Variants in AKAP13 observed in about 807,000 individuals in gnomAD.
AKAP13 encodes A-kinase anchor protein 13.
A neutral mutation model predicts 264.5 loss-of-function variants in AKAP13; 80 were observed. The observed-to-expected ratio is 0.30, with a 90% CI of 0.25 to 0.36. AKAP13 has a LOEUF of 0.36. Among genes scored for constraint, AKAP13 ranks in the 10% least tolerant of loss-of-function variants. The pLI is 1.00. For missense variants in AKAP13, 3,712 were observed against 3,435.2 expected, an observed-to-expected ratio of 1.08 and a Z score of -2.01; for synonymous variants, 1,380 against 1,250.2, an observed-to-expected ratio of 1.10 and a Z score of -2.19.
intron 33 of AKAP13, among the ~76,000 whole-genome samples, chr15:85,736,558 C>T (rs558959790): frequency 8.2e-4 from 125 of 152,212 alleles, no homozygotes; most frequent in African/African-American, 2.8e-3. Context: ...CCACCATGCC[C>T]GGCTAACTTT....
In AKAP13 at chr15:85,581,009, A is replaced by G; in HGVS notation, c.2941A>G (p.Ser981Gly). Residue 981 changes from serine to glycine, a missense_variant, in exon 7 of 37, where the codon AGT becomes GGT. Physicochemically the swap from Ser to Gly is moderately conservative, Grantham distance 56 (BLOSUM62 0). Coordinates refer to ENST00000394518, the MANE Select transcript of AKAP13 (RefSeq NM_007200.5). Reference protein sequence around the residue: ...DCAKDKALQLSNSPGASSAFL... With the variant: ...DCAKDKALQLGNSPGASSAFL... Reference sequence around the variant, plus strand: ...TGCCAAGGACAAAGCACTTCAGCTAAGTAATTCACCGGGTGCATCCTCTGC... The same window carrying G: ...TGCCAAGGACAAAGCACTTCAGCTAGGTAATTCACCGGGTGCATCCTCTGC... The G allele has an allele frequency of 1.9e-6, 3 of 1,613,886 alleles. No homozygotes were observed. Among genetic ancestry groups the G allele is most frequent in the Non-Finnish European group, 2.5e-6 (3 of 1,179,840 alleles).
chr15:85,447,999 G>A (rs2073957773), intron 1 of AKAP13, among the ~76,000 whole-genome samples: 1 of 152,096 alleles, frequency 6.6e-6, no homozygotes, highest in Non-Finnish European at 1.5e-5. Context: ...CAGTGTATAA[G>A]GGTTCCTTTT....
chr15:85,720,374 T>G (rs926595575), intron 23 of AKAP13, among the ~76,000 whole-genome samples: 13 of 152,002 alleles, frequency 8.6e-5, no homozygotes, highest in Non-Finnish European at 1.8e-4. Context: ...GAAAGTTGAA[T>G]AAGTGACTAT....
chr15:85,452,483 C>G (rs1408903138), intron 1 of AKAP13, among the ~76,000 whole-genome samples: 2 of 152,138 alleles, frequency 1.3e-5, no homozygotes, highest in African/African-American at 4.8e-5. Context: ...TTGGTTATTT[C>G]TCGTCAGTGT....
At position 85,533,777 on chromosome 15, in the gene AKAP13, A is replaced by T. The variant is rs747495467; in HGVS notation, c.375A>T (p.Pro125=). 1 of 1,613,920 alleles carries T rather than the reference A, an allele frequency of 6.2e-7. No individual in the cohort carries two copies. The highest frequency in any genetic ancestry group is 2.2e-5 in the East Asian group (1 of 44,884). ...FTRFLDQSGP[P]SGDVNSLDKK... is the part of the protein sequence containing the mutation. Reference sequence around the variant, plus strand: ...GTTTTCTTGACCAGTCAGGACCCCCATCTGGGGATGTGAATTCCCTTGATA... The same window carrying T: ...GTTTTCTTGACCAGTCAGGACCCCCTTCTGGGGATGTGAATTCCCTTGATA... Residue 125 remains proline, a synonymous_variant, in exon 4 of 37, where the codon CCA becomes CCT. Coordinates refer to ENST00000394518, the MANE Select transcript of AKAP13 (RefSeq NM_007200.5).
intron 8 of AKAP13, among the ~76,000 whole-genome samples, chr15:85,629,763 C>CGTTTTTTTTTT (rs1567164100): frequency 1.3e-5 from 1 of 76,148 alleles, no homozygotes; most frequent in Admixed American, 1.6e-4. Context: ...TCCTTTACAG[C>CGTTTTTTTTTT]CTTTTTTTTT....
rs1160985953 is a variant in AKAP13, at chr15:85,581,552, C to G, written c.3484C>G (p.Leu1162Val). ...MIPLDWEKGK[L>V]EGADHSCTMG... ...ACCTCTTGATTGGGAGAAAGGGAAG[C>G]TGGAGGGAGCAGACCACAGCTGTAC... is the stretch of plus-strand genomic sequence containing the variant. The change falls in exon 7 of 37, where the codon CTG becomes GTG. Residue 1162 changes from leucine (L) to valine (V), a missense_variant. Leu to Val is a conservative substitution (Grantham distance 32). This residue lies in a region of AKAP13 where 2,759 missense variants were observed against 2,411.7 expected (regional missense o/e 1.14). Coordinates refer to ENST00000394518, the MANE Select transcript of AKAP13 (RefSeq NM_007200.5). 11 of 1,614,158 alleles carry G rather than the reference C, an allele frequency of 6.8e-6. No homozygotes were observed. The highest frequency in any genetic ancestry group is 9.3e-6 in the Non-Finnish European group (11 of 1,180,026).
intron 1 of AKAP13, among the ~76,000 whole-genome samples, chr15:85,412,677 A>G (rs1434344320): frequency 6.6e-6 from 1 of 152,268 alleles, no homozygotes; most frequent in Non-Finnish European, 1.5e-5. Flanking sequence ...GAGGGAGCTC[A>G]GGCAACCAAG....
At chr15:85,420,460 C>T (rs1337605569) in intron 1 of AKAP13, among the ~76,000 whole-genome samples, 2 of 152,050 alleles carry the variant, frequency 1.3e-5, no homozygotes, top group Non-Finnish European at 2.9e-5. Flanking sequence ...AGAATGGATG[C>T]AGGGTATGGT....
chr15:85,568,378 T>C (rs1163997911), intron 5 of AKAP13, among the ~76,000 whole-genome samples: 2 of 151,910 alleles, frequency 1.3e-5, no homozygotes, highest in African/African-American at 4.8e-5. Context: ...GAGAAAAGAA[T>C]GGAAAAGCGA....
At chr15:85,573,947 C>T (rs1244405694) in intron 5 of AKAP13, among the ~76,000 whole-genome samples, 1 of 152,158 alleles carries the variant, frequency 6.6e-6, no homozygotes, top group Non-Finnish European at 1.5e-5. Context: ...TGCACATTTT[C>T]TCTAATTCTC....
intron 10 of AKAP13, among the ~76,000 whole-genome samples, chr15:85,646,655 T>G (rs1439642237): frequency 6.6e-6 from 1 of 152,120 alleles, no homozygotes; most frequent in Admixed American, 6.6e-5. Flanking sequence ...TCATTTCTGG[T>G]TAATGTGTTT....
chr15:85,531,084 C>G (rs2077227451), intron 3 of AKAP13, among the ~76,000 whole-genome samples: 1 of 152,118 alleles, frequency 6.6e-6, no homozygotes, highest in Non-Finnish European at 1.5e-5. Context: ...TGGTCTCGAA[C>G]TCCTGGCCTC....
intron 17 of AKAP13, 88 bp from the exon 18 acceptor site, chr15:85,707,931 T>G (rs2086401241): frequency 3.7e-6 from 5 of 1,340,540 alleles, no homozygotes; most frequent in Non-Finnish European, 5.3e-6. Flanking sequence ...ACTTTGAAAT[T>G]CAGAGGCCAC....
At chr15:85,729,363 A>T (rs1042549656) in intron 29 of AKAP13, among the ~76,000 whole-genome samples, 1 of 152,140 alleles carries the variant, frequency 6.6e-6, no homozygotes, top group African/African-American at 2.4e-5. Context: ...AAGGAGACAG[A>T]GTCTCTCACA....
At chr15:85,644,881 T>C (rs2082483003) in intron 9 of AKAP13, among the ~76,000 whole-genome samples, 1 of 152,100 alleles carries the variant, frequency 6.6e-6, no homozygotes. Context: ...CACAAATCTC[T>C]TTAACCGTGT....
chr15:85,730,367 G>A, intron 29 of AKAP13, 146 bp from the exon 30 acceptor site: 2 of 739,976 alleles, frequency 2.7e-6, no homozygotes, highest in Non-Finnish European at 4.5e-6. Flanking sequence ...TTGCTGTCTT[G>A]ATGAAAAAGA....
At position 85,531,743 on chromosome 15, in the gene AKAP13, G is replaced by T. The variant is rs189644363; in HGVS notation, c.182-1841G>T. On this transcript the variant is annotated intron_variant, in intron 3 of 36. Transcript: ENST00000394518. Reference sequence around the variant, plus strand: ...CAGCTTGCTACAGCCTTCTTAGAAAGAATTCGACTTGGAAGGCAGTGGGAG... The same window carrying T: ...CAGCTTGCTACAGCCTTCTTAGAAATAATTCGACTTGGAAGGCAGTGGGAG... Among the ~76,000 whole-genome samples the T allele has an allele frequency of 1.3e-4, 20 of 152,294 alleles. 1 individual carries two copies. The highest frequency in any genetic ancestry group is 4.6e-4 in the Admixed American group (7 of 15,304).
chr15:85,593,125 C>T (rs10162620), intron 8 of AKAP13, among the ~76,000 whole-genome samples: 92,967 of 151,860 alleles, frequency 0.61, 28,607 homozygotes, highest in Middle Eastern at 0.72. Context: ...GCCTGGCCAA[C>T]ATGGCAAAAC....
Sources: gnomAD v4.1 joint callset for allele counts (sites outside exome capture counted in the v4.1 genomes callset) on GRCh38, gnomAD v4.1.1 for gene constraint, gnomAD v4.1.1 regional missense constraint, MANE v1.5 for transcripts, NCBI Gene and HGNC (gene_info 2026-07-23, HGNC 2026-07-21) for gene names.